CTNNA2: variants seen among roughly 807,000 people sequenced by gnomAD.
CTNNA2 encodes the protein catenin alpha 2, also known as catenin alpha-2.
In CTNNA2, 42 loss-of-function variants were observed where a neutral mutation model predicts 101.0. The ratio of observed to expected loss-of-function variants is 0.42; its 90% CI spans 0.32 to 0.54. The LOEUF (loss-of-function observed/expected upper bound fraction) is 0.54. Among genes scored for constraint, CTNNA2 ranks in the 20% least tolerant of loss-of-function variants. The pLI is 0.14. For synonymous variants in CTNNA2, 450 were observed against 456.4 expected, an observed-to-expected ratio of 0.99 and a Z score of 0.18; for missense variants, 871 against 1,223.1, an observed-to-expected ratio of 0.71 and a Z score of 4.29.
intron 7 of CTNNA2, among the ~76,000 whole-genome samples, chr2:79,970,576 T>A (rs1690406817): frequency 6.6e-6 from 1 of 152,148 alleles, no homozygotes; most frequent in Non-Finnish European, 1.5e-5. Flanking sequence ...GAAAAGCGTT[T>A]CCAAGCTGAT....
At chr2:79,962,752 T>C (rs1203957832) in intron 7 of CTNNA2, among the ~76,000 whole-genome samples, 1 of 152,080 alleles carries the variant, frequency 6.6e-6, no homozygotes, top group Non-Finnish European at 1.5e-5. Context: ...GTGCAGAAAT[T>C]TGACTGTTCT....
chr2:80,169,541 T>G (rs1449177029), intron 7 of CTNNA2, among the ~76,000 whole-genome samples: 1 of 152,232 alleles, frequency 6.6e-6, no homozygotes, highest in South Asian at 2.1e-4. Flanking sequence ...GACTCTTTGC[T>G]GAGCTCTGGA....
intron 3 of CTNNA2, among the ~76,000 whole-genome samples, chr2:79,845,115 A>T (rs1680130279): frequency 6.7e-6 from 1 of 148,900 alleles, no homozygotes; most frequent in South Asian, 2.1e-4. Context: ...ACCTTTTATG[A>T]TAACTGACTA....
At chr2:79,640,118 A>C (rs1360003078) in intron 1 of CTNNA2, among the ~76,000 whole-genome samples, 1 of 152,214 alleles carries the variant, frequency 6.6e-6, no homozygotes, top group Admixed American at 6.5e-5. Flanking sequence ...AATCAAATAG[A>C]TAACAACACA....
At chr2:79,876,796 G>C (rs572682314) in intron 6 of CTNNA2, among the ~76,000 whole-genome samples, 1 of 152,218 alleles carries the variant, frequency 6.6e-6, no homozygotes, top group Non-Finnish European at 1.5e-5. Flanking sequence ...TATTAGCAAA[G>C]TATGTCAACA....
chr2:79,476,987 C>G (rs1186213197), intron 4 of CTNNA2, among the ~76,000 whole-genome samples: 2 of 152,068 alleles, frequency 1.3e-5, no homozygotes, highest in Non-Finnish European at 2.9e-5. Flanking sequence ...AGTTCTAATG[C>G]TAGACTACTA....
intron 9 of CTNNA2, among the ~76,000 whole-genome samples, chr2:80,509,966 T>C (rs887249196): frequency 6.6e-6 from 1 of 152,214 alleles, no homozygotes; most frequent in Non-Finnish European, 1.5e-5. Context: ...TCCTCTGTTC[T>C]ACTCTCATTG....
At chr2:80,464,948 G>A (rs1261374894) in intron 9 of CTNNA2, among the ~76,000 whole-genome samples, 1 of 152,098 alleles carries the variant, frequency 6.6e-6, no homozygotes, top group African/African-American at 2.4e-5. Flanking sequence ...TACTCTGATG[G>A]TTTTGTTTCT....
intron 2 of CTNNA2, among the ~76,000 whole-genome samples, chr2:79,673,991 C>A (rs1047629931): frequency 1.3e-5 from 2 of 152,156 alleles, no homozygotes; most frequent in Non-Finnish European, 2.9e-5. Context: ...AGTTGTGAGG[C>A]ACTGGTTCTT....
intron 1 of CTNNA2, among the ~76,000 whole-genome samples, chr2:79,520,449 A>C (rs1672042448): frequency 6.6e-6 from 1 of 152,244 alleles, no homozygotes; most frequent in Non-Finnish European, 1.5e-5. Context: ...TGGATTAGGC[A>C]AAGATCCCTT....
chr2:79,287,930 G>A (rs930651796), intron 2 of CTNNA2, among the ~76,000 whole-genome samples: 8 of 152,248 alleles, frequency 5.3e-5, no homozygotes, highest in Admixed American at 1.3e-4. Context: ...TCTGAGCCAG[G>A]TGCGGGATAT....
rs141070233 is a variant in CTNNA2 at position 79,816,905 on chromosome 2, T to A, written c.299-41108T>A. Among the ~76,000 whole-genome samples, 108 of 152,300 alleles carry A rather than the reference T, an allele frequency of 7.1e-4. 1 individual carries two copies. The East Asian group carries it at 0.019, about 26-fold the overall frequency. ...CATCTCAAACCTTACGATGTTCAAA[T>A]CATAACTTTTTCCCCTGTCCTAATG... On this transcript the variant is annotated intron_variant, in intron 3 of 18. Coordinates refer to ENST00000402739, the MANE Select transcript of CTNNA2 (RefSeq NM_001282597.3).
intron 7 of CTNNA2, among the ~76,000 whole-genome samples, chr2:80,048,497 A>G (rs939747179): frequency 7.2e-5 from 11 of 152,212 alleles, no homozygotes; most frequent in Non-Finnish European, 1.5e-4. Context: ...AATGAGAGTC[A>G]GCATAATTCT....
At chr2:79,535,095 A>G (rs1672974931) in intron 1 of CTNNA2, among the ~76,000 whole-genome samples, 1 of 152,198 alleles carries the variant, frequency 6.6e-6, no homozygotes. Flanking sequence ...CTATTCATGC[A>G]AAAAAATTTA....
chr2:80,134,501 A>G (rs1172576208), intron 7 of CTNNA2, among the ~76,000 whole-genome samples: 1 of 152,176 alleles, frequency 6.6e-6, no homozygotes, highest in Non-Finnish European at 1.5e-5. Context: ...ATAAACTTCA[A>G]CTTCATCCAT....
intron 17 of CTNNA2, among the ~76,000 whole-genome samples, chr2:80,614,488 T>A (rs1160167052): frequency 6.6e-6 from 1 of 151,354 alleles, no homozygotes; most frequent in Admixed American, 6.6e-5. Context: ...TGAATTCTGG[T>A]ATCTGCTAGG....
chr2:80,497,562 G>T (rs1406940386), intron 9 of CTNNA2, among the ~76,000 whole-genome samples: 1 of 152,160 alleles, frequency 6.6e-6, no homozygotes, highest in Non-Finnish European at 1.5e-5. Context: ...CGACTTCTCA[G>T]ATAGCCCCCA....
At chr2:79,310,121 T>C (rs1343907867) in intron 2 of CTNNA2, among the ~76,000 whole-genome samples, 1 of 152,188 alleles carries the variant, frequency 6.6e-6, no homozygotes. Flanking sequence ...GAGTTTTCTG[T>C]ATAAAGGATC....
chr2:80,324,131 T>C (rs1370951404), intron 7 of CTNNA2, among the ~76,000 whole-genome samples: 3 of 152,188 alleles, frequency 2.0e-5, no homozygotes, highest in African/African-American at 4.8e-5. Context: ...CTTTTGAGCA[T>C]GAAAAATATG....
Sources: allele counts gnomAD v4.1 joint callset (sites outside exome capture counted in the v4.1 genomes callset), GRCh38; gene constraint gnomAD v4.1.1; transcripts MANE v1.5; gene names NCBI Gene and HGNC (gene_info 2026-07-23, HGNC 2026-07-21).